PTBP2: variants seen among roughly 807,000 people sequenced by gnomAD.
PTBP2 encodes the protein polypyrimidine tract binding protein 2, also known as polypyrimidine tract-binding protein 2.
In PTBP2, 13 loss-of-function variants were observed where a neutral mutation model predicts 61.4. The observed-to-expected ratio is 0.21, with a 90% confidence interval of 0.14 to 0.34. The LOEUF (loss-of-function observed/expected upper bound fraction) is 0.34, where lower values mean the gene tolerates loss of function less well. Ranked by LOEUF, PTBP2 falls within the 10% of genes least tolerant of loss-of-function variation. PTBP2 has a pLI of 1.00. For synonymous variants in PTBP2, 215 were observed against 218.5 expected, an observed-to-expected ratio of 0.98 and a Z score of 0.14; for missense variants, 405 against 642.6, an observed-to-expected ratio of 0.63 and a Z score of 4.00.
chr1:96,722,055 A>G (rs898628048), intron 1 of PTBP2, among the ~76,000 whole-genome samples, 183 bp downstream of exon 1: 9 of 151,986 alleles, frequency 5.9e-5, no homozygotes, highest in Non-Finnish European at 1.3e-4. Flanking sequence ...TGGTCGAGAA[A>G]ATGAGAAGAA....
At chr1:96,734,933 G>C (rs1271452847) in intron 2 of PTBP2, among the ~76,000 whole-genome samples, 2 of 84,696 alleles carry the variant, frequency 2.4e-5, no homozygotes, top group Non-Finnish European at 4.5e-5. Flanking sequence ...CCTGCTTTTT[G>C]AGAGACAAGA....
chr1:96,802,928 A>G (rs1457722992), intron 8 of PTBP2, among the ~76,000 whole-genome samples: 1 of 152,222 alleles, frequency 6.6e-6, no homozygotes, highest in Non-Finnish European at 1.5e-5. Context: ...AATACTGACG[A>G]ATAGTATTAC....
At chr1:96,774,046 G>A (rs1657723840) in intron 5 of PTBP2, among the ~76,000 whole-genome samples, 1 of 151,502 alleles carries the variant, frequency 6.6e-6, no homozygotes, top group Admixed American at 6.6e-5. Context: ...AGAAGCTGAG[G>A]TAAATTCAGG....
chr1:96,820,621 C>T (rs974447945), exon 14 of PTBP2: 5 of 151,378 alleles, frequency 3.3e-5, no homozygotes, highest in Admixed American at 1.3e-4. Flanking sequence ...AACTTCCTAT[C>T]CAATTTCAGA....
At chr1:96,722,042 C>T (rs1482372327) in intron 1 of PTBP2, among the ~76,000 whole-genome samples, 170 bp downstream of exon 1, 1 of 152,086 alleles carries the variant, frequency 6.6e-6, no homozygotes, top group Non-Finnish European at 1.5e-5. Flanking sequence ...CCCCGGCGGG[C>T]TTTGGTCGAG....
At chr1:96,793,536 AT>A (rs908101842) in intron 8 of PTBP2, among the ~76,000 whole-genome samples, 1 of 151,472 alleles carries the variant, frequency 6.6e-6, no homozygotes. Flanking sequence ...CACCTGGCTA[AT>A]TTTTTTTGTA....
chr1:96,782,150 T>C (rs1240057903), intron 7 of PTBP2, among the ~76,000 whole-genome samples: 2 of 152,010 alleles, frequency 1.3e-5, no homozygotes, highest in African/African-American at 4.8e-5. Context: ...AAACAGCTTT[T>C]CAGAAACATG....
At chr1:96,722,503 C>G (rs1365680304) in intron 1 of PTBP2, among the ~76,000 whole-genome samples, 1 of 148,524 alleles carries the variant, frequency 6.7e-6, no homozygotes, top group African/African-American at 2.5e-5. Flanking sequence ...CCTTTGTTTT[C>G]ATTTGAGTCT....
At chr1:96,779,534 CTGTT>C (rs1216455074) in intron 7 of PTBP2, among the ~76,000 whole-genome samples, 2 of 152,030 alleles carry the variant, frequency 1.3e-5, no homozygotes, top group Non-Finnish European at 2.9e-5. Flanking sequence ...ATTGTGTCAA[CTGTT>C]TGACATTTTT....
intron 8 of PTBP2, among the ~76,000 whole-genome samples, chr1:96,787,561 C>T (rs1267265290): frequency 6.6e-6 from 1 of 151,986 alleles, no homozygotes; most frequent in African/African-American, 2.4e-5. Context: ...TATAACTGGG[C>T]TTTTTAACTA....
At chr1:96,726,620 G>A (rs550598145) in intron 2 of PTBP2, among the ~76,000 whole-genome samples, 1 of 152,018 alleles carries the variant, frequency 6.6e-6, no homozygotes, top group East Asian at 1.9e-4. Flanking sequence ...TGTATATTCA[G>A]TAGAGACAGA....
At chr1:96,765,735 G>GATAGATAGATAGATAGATAGATAC (rs1351056585) in intron 3 of PTBP2, among the ~76,000 whole-genome samples, 1 of 151,898 alleles carries the variant, frequency 6.6e-6, no homozygotes. Flanking sequence ...TAGATAGATA[G>GATAGATAGATAGATAGATAGATAC]ATAGATAGAT....
At chr1:96,794,312 A>AT (rs1328654130) in intron 8 of PTBP2, among the ~76,000 whole-genome samples, 2 of 152,238 alleles carry the variant, frequency 1.3e-5, no homozygotes, top group African/African-American at 4.8e-5. Flanking sequence ...CAGATTGCAG[A>AT]TTTTATTGAA....
At chr1:96,787,321 C>T (rs945618042) in intron 8 of PTBP2, among the ~76,000 whole-genome samples, 19 of 152,114 alleles carry the variant, frequency 1.2e-4, no homozygotes, top group African/African-American at 3.6e-4. Context: ...CATGCCTGGC[C>T]GCTTTTGTTC....
rs1246081703 is a variant in PTBP2 at position 96,814,054 on chromosome 1, G to T, written c.*649G>T. On this transcript the variant is annotated 3_prime_UTR_variant, in exon 14 of 14. Transcript: ENST00000674951. ...CATTAGTTAAAATTAACAAGATGCA[G>T]AGTATTAATTTCTTAAGACAACAAA... is the stretch of plus-strand genomic sequence containing the variant. 2 of 152,492 alleles carry T rather than the reference G, an allele frequency of 1.3e-5. No individual in the cohort carries two copies. Among genetic ancestry groups the T allele is most frequent in the Non-Finnish European group, 2.9e-5 (2 of 67,962 alleles). 9.4% of individuals were successfully genotyped at this position (152,492 alleles called of 1,614,324 possible).
At chr1:96,775,185 AAGGAT>A (rs1327399544) in intron 5 of PTBP2, among the ~76,000 whole-genome samples, 1 of 152,336 alleles carries the variant, frequency 6.6e-6, no homozygotes, top group Non-Finnish European at 1.5e-5. Flanking sequence ...CTAAAATTAA[AAGGAT>A]AGGTAATAAA....
At chr1:96,810,878 T>G (rs1424117568) in intron 11 of PTBP2, among the ~76,000 whole-genome samples, 1 of 152,178 alleles carries the variant, frequency 6.6e-6, no homozygotes, top group Admixed American at 6.5e-5. Flanking sequence ...TTTACAGGTG[T>G]AAGCGTAAAT....
chr1:96,801,563 TC>T (rs756363611), intron 8 of PTBP2, among the ~76,000 whole-genome samples: 1 of 152,122 alleles, frequency 6.6e-6, no homozygotes, highest in Non-Finnish European at 1.5e-5. Flanking sequence ...TTTAAAAAGT[TC>T]GTGGTTTTGG....
intron 7 of PTBP2, among the ~76,000 whole-genome samples, chr1:96,781,322 T>C (rs1013338682): frequency 1.9e-4 from 29 of 151,988 alleles, no homozygotes; most frequent in Non-Finnish European, 1.5e-5. Context: ...TCAAGTCATA[T>C]TGCTTCTAAT....
Sources: gnomAD v4.1 joint callset for allele counts (sites outside exome capture counted in the v4.1 genomes callset) on GRCh38, gnomAD v4.1.1 for gene constraint, MANE v1.5 for transcripts, NCBI Gene and HGNC (gene_info 2026-07-23, HGNC 2026-07-21) for gene names.